The following ALK variants were observed in gnomAD, a reference collection of about 807,000 sequenced individuals.
ALK encodes ALK receptor tyrosine kinase, also known as ALK tyrosine kinase receptor.
A neutral mutation model predicts 163.1 loss-of-function variants in ALK; 74 were observed. The observed-to-expected ratio is 0.45, with a 90% CI of 0.38 to 0.55. The LOEUF (loss-of-function observed/expected upper bound fraction) is 0.55, where lower values mean the gene tolerates loss of function less well. Among genes scored for constraint, ALK ranks in the 20% least tolerant of loss-of-function variants. The pLI, the probability that ALK is intolerant of heterozygous loss-of-function variation, is 0.00. For synonymous variants in ALK, 960 were observed against 843.2 expected (o/e 1.14, Z -2.40); for missense variants, 2,063 against 2,105.3 (o/e 0.98, Z 0.39).
rs138871429 is a variant in ALK, at chr2:29,401,814, A to G, written c.1155-17955T>C. The stretch of plus-strand genomic sequence containing the variant: ...GTCTTTTAACAGAGGTGTCTAAGAG[A>G]GCGATTAAAAGGGAATTGCAATTAT... On this transcript the variant is annotated intron_variant, in intron 4 of 28. Coordinates refer to ENST00000389048, the MANE Select transcript of ALK (RefSeq NM_004304.5). Among the ~76,000 whole-genome samples the G allele has an allele frequency of 8.1e-4, 124 of 152,306 alleles. 3 individuals are homozygous for G. In the East Asian group the frequency reaches 0.023, roughly 28 times the overall value.
chr2:29,705,627 C>T (rs1044070367), intron 2 of ALK, among the ~76,000 whole-genome samples: 4 of 152,022 alleles, frequency 2.6e-5, no homozygotes, highest in Admixed American at 1.3e-4. Context: ...GTCAGGCTCC[C>T]AAGTTGGAAA....
At chr2:29,341,938 C>G (rs900433104) in intron 5 of ALK, among the ~76,000 whole-genome samples, 1 of 152,082 alleles carries the variant, frequency 6.6e-6, no homozygotes, top group Non-Finnish European at 1.5e-5. Flanking sequence ...TTCTCAGAAC[C>G]ACAAGATTGG....
At chr2:29,368,555 T>C (rs1415881114) in intron 5 of ALK, among the ~76,000 whole-genome samples, 1 of 152,204 alleles carries the variant, frequency 6.6e-6, no homozygotes, top group African/African-American at 2.4e-5. Flanking sequence ...CAAAATCAAA[T>C]TACCAGGTGG....
At chr2:29,448,460 A>G (rs370060392) in intron 4 of ALK, among the ~76,000 whole-genome samples, 5 of 152,174 alleles carry the variant, frequency 3.3e-5, no homozygotes, top group African/African-American at 1.2e-4. Context: ...CTCTCTCTCT[A>G]CACTCTGGGG....
rs202021741 is a variant in ALK, at chr2:29,802,583, GGAAGA to G, written c.668-84891_668-84887del. Reference sequence around the variant, plus strand: ...AGAGGGGAGGGGAGGGGAGGGGAGGGGAAGAGAGGGGAGGGGAGAAAACCCTCCAG... The same window carrying G: ...AGAGGGGAGGGGAGGGGAGGGGAGGGGAGGGGAGGGGAGAAAACCCTCCAG... On this transcript the variant is annotated intron_variant, in intron 1 of 28. Transcript: ENST00000389048. Among the ~76,000 whole-genome samples the G allele has an allele frequency of 9.0e-4, 52 of 57,718 alleles. 1 individual carries two copies. The highest frequency in any genetic ancestry group is 1.4e-3 in the Non-Finnish European group (34 of 24,850). 37.9% of individuals were successfully genotyped at this position (57,718 alleles called of 152,430 possible). A position where few individuals can be genotyped will look rare whatever the true frequency, so the allele number is the denominator to read the frequency against.
chr2:29,533,768 T>A (rs1673179427), intron 3 of ALK, among the ~76,000 whole-genome samples: 3 of 152,260 alleles, frequency 2.0e-5, no homozygotes, highest in Middle Eastern at 6.8e-3. Flanking sequence ...TTCAAGGAAC[T>A]CCAGGTCTGG....
At chr2:29,905,802 C>A (rs935982832) in intron 1 of ALK, among the ~76,000 whole-genome samples, 1 of 151,842 alleles carries the variant, frequency 6.6e-6, no homozygotes, top group Non-Finnish European at 1.5e-5. Context: ...AGGCAGGATG[C>A]GAGGAATGGA....
chr2:29,216,416 G>T lies in ALK; in HGVS notation c.3646-2335C>A, dbSNP rs529084574. Among the ~76,000 whole-genome samples the T allele has an allele frequency of 3.9e-5, 6 of 152,226 alleles. No homozygotes were observed. In the South Asian group the frequency reaches 1.2e-3, roughly 32 times the overall value. On this transcript the variant is annotated intron_variant, in intron 23 of 28. Coordinates refer to ENST00000389048, the MANE Select transcript of ALK (RefSeq NM_004304.5). Reference sequence around the variant, plus strand: ...TCTTAGCATCCATCACTCAGGATGCGAGGGCCATAGATGTCTCGGAAGCCC... The same window carrying T: ...TCTTAGCATCCATCACTCAGGATGCTAGGGCCATAGATGTCTCGGAAGCCC...
At chr2:29,456,492 A>T (rs895788233) in intron 4 of ALK, among the ~76,000 whole-genome samples, 1 of 152,210 alleles carries the variant, frequency 6.6e-6, no homozygotes, top group Non-Finnish European at 1.5e-5. Flanking sequence ...TACCACTTAC[A>T]TGAGGTATGT....
At chr2:29,635,786 T>C (rs553399854) in intron 3 of ALK, among the ~76,000 whole-genome samples, 2,646 of 90,822 alleles carry the variant, frequency 0.029, 81 homozygotes, top group African/African-American at 0.078. Context: ...TATTTTTTTT[T>C]TTTAATTATA....
chr2:29,489,411 C>G (rs1671849872), intron 4 of ALK, among the ~76,000 whole-genome samples: 1 of 152,066 alleles, frequency 6.6e-6, no homozygotes, highest in African/African-American at 2.4e-5. Context: ...GCAATCTGCC[C>G]ACCTCAAACT....
chr2:29,475,744 A>T (rs1671501041), intron 4 of ALK, among the ~76,000 whole-genome samples: 1 of 152,222 alleles, frequency 6.6e-6, no homozygotes. Flanking sequence ...CCTAGAGCAC[A>T]GCTGGCTCCC....
intron 26 of ALK, among the ~76,000 whole-genome samples, chr2:29,200,835 A>C (rs1669157605): frequency 7.7e-6 from 1 of 129,206 alleles, no homozygotes; most frequent in Admixed American, 7.8e-5. Context: ...ACGTATATAT[A>C]TGTGTGTGTA....
intron 3 of ALK, among the ~76,000 whole-genome samples, chr2:29,568,135 A>G (rs1674246949): frequency 6.6e-6 from 1 of 152,252 alleles, no homozygotes; most frequent in African/African-American, 2.4e-5. Context: ...TCCATATGTC[A>G]CTGGGAGCAG....
At chr2:29,787,033 G>A (rs1664049987) in intron 1 of ALK, among the ~76,000 whole-genome samples, 1 of 152,098 alleles carries the variant, frequency 6.6e-6, no homozygotes, top group Non-Finnish European at 1.5e-5. Context: ...CTGACCTCGT[G>A]ATCTGCCCGC....
chr2:29,487,888 T>A (rs1478762399), intron 4 of ALK, among the ~76,000 whole-genome samples: 1 of 152,188 alleles, frequency 6.6e-6, no homozygotes, highest in Non-Finnish European at 1.5e-5. Flanking sequence ...TATCCCGTGC[T>A]TGTTCCTGGA....
intron 9 of ALK, among the ~76,000 whole-genome samples, chr2:29,283,091 C>A (rs1665755726): frequency 6.6e-6 from 1 of 152,206 alleles, no homozygotes; most frequent in African/African-American, 2.4e-5. Flanking sequence ...AATACTCGAC[C>A]TACAGTCAAA....
chr2:29,846,861 C>T (rs1404129647), intron 1 of ALK, among the ~76,000 whole-genome samples: 5 of 152,126 alleles, frequency 3.3e-5, no homozygotes, highest in African/African-American at 1.2e-4. Flanking sequence ...ATTATTATTC[C>T]CATTTTACAG....
intron 1 of ALK, among the ~76,000 whole-genome samples, chr2:29,780,154 C>G (rs1052178665): frequency 6.6e-6 from 1 of 152,224 alleles, no homozygotes; most frequent in African/African-American, 2.4e-5. Context: ...ACACTGCATT[C>G]ATCTTGAAAA....
Sources: allele counts gnomAD v4.1 joint callset (sites outside exome capture counted in the v4.1 genomes callset), GRCh38; gene constraint gnomAD v4.1.1; transcripts MANE v1.5; gene names NCBI Gene and HGNC (gene_info 2026-07-23, HGNC 2026-07-21).